The following AIG1 variants were observed in gnomAD, a reference collection of about 807,000 sequenced individuals.
AIG1 encodes androgen-induced gene 1 protein.
Under a neutral mutation model 31.4 loss-of-function variants are expected in AIG1, and 23 were observed. The observed-to-expected ratio is 0.73, with a 90% confidence interval of 0.53 to 1.04. The LOEUF (loss-of-function observed/expected upper bound fraction) is 1.04, where lower values mean the gene tolerates loss of function less well. AIG1 is among the 50% of genes least tolerant of loss of function. The pLI is 0.00. For synonymous variants in AIG1, 100 were observed against 110.5 expected (o/e 0.90, Z 0.60); for missense variants, 274 against 295.0 (o/e 0.93, Z 0.52).
At chr6:143,249,840 G>A (rs576050871) in intron 3 of AIG1, among the ~76,000 whole-genome samples, 24 of 152,146 alleles carry the variant, frequency 1.6e-4, no homozygotes, top group Non-Finnish European at 3.2e-4. Context: ...TCATAATTCC[G>A]TATTATGCAC....
intron 2 of AIG1, among the ~76,000 whole-genome samples, chr6:143,158,163 C>G (rs1785984493): frequency 6.6e-6 from 1 of 152,144 alleles, no homozygotes; most frequent in South Asian, 2.1e-4. Flanking sequence ...GAGCATGAGC[C>G]ATATATTCAG....
chr6:143,264,647 T>G (rs1037403251), intron 3 of AIG1, among the ~76,000 whole-genome samples: 3 of 152,202 alleles, frequency 2.0e-5, no homozygotes, highest in Non-Finnish European at 4.4e-5. Flanking sequence ...CAGTTGGAAA[T>G]TGGCACTGAG....
In AIG1 at chr6:143,293,200, C is replaced by T. The variant is rs560732202; in HGVS notation, c.515+8975C>T. ...GGAGAAAGGCTCATTTTCTTTTTTT[C>T]TCTCTCTCTCTTCCCCGCCACCCTT... On this transcript the variant is annotated intron_variant, in intron 4 of 5. Transcript: ENST00000357847. This position sits in a 1 kb window ranked among gnomAD's most constrained non-coding sequence, Gnocchi z 4.8. Among the ~76,000 whole-genome samples the T allele has an allele frequency of 4.0e-5, 6 of 151,828 alleles. No individual in the cohort carries two copies. The South Asian group carries it at 8.3e-4, about 21-fold the overall frequency.
intron 1 of AIG1, among the ~76,000 whole-genome samples, chr6:143,113,560 GCC>G (rs1264722999): frequency 8.9e-5 from 13 of 146,684 alleles, no homozygotes; most frequent in African/African-American, 2.8e-4. Context: ...CCGAGATCAC[GCC>G]ACTGCACTCC....
chr6:143,226,031 T>C, intron 3 of AIG1, among the ~76,000 whole-genome samples: 1 of 152,202 alleles, frequency 6.6e-6, no homozygotes, highest in Non-Finnish European at 1.5e-5. Flanking sequence ...AAGAGAAAGC[T>C]GCTCATTTGC....
At chr6:143,097,969 T>C (rs1453807941) in intron 1 of AIG1, among the ~76,000 whole-genome samples, 1 of 152,172 alleles carries the variant, frequency 6.6e-6, no homozygotes, top group Non-Finnish European at 1.5e-5. Flanking sequence ...TTACTCAGAG[T>C]ATCTCTCCTC....
chr6:143,147,859 T>C (rs1784837796), intron 2 of AIG1, among the ~76,000 whole-genome samples: 1 of 152,138 alleles, frequency 6.6e-6, no homozygotes, highest in African/African-American at 2.4e-5. Context: ...AATGGAATAA[T>C]GAGAGTTGAC....
intron 4 of AIG1, among the ~76,000 whole-genome samples, chr6:143,285,529 G>C (rs376849817): frequency 1.3e-5 from 2 of 151,532 alleles, no homozygotes; most frequent in African/African-American, 2.4e-5. Context: ...CAGGTGTGGT[G>C]GTGGGCGCCT....
intron 1 of AIG1, among the ~76,000 whole-genome samples, chr6:143,114,290 C>T (rs1489227100): frequency 6.6e-6 from 1 of 152,074 alleles, no homozygotes; most frequent in Non-Finnish European, 1.5e-5. Flanking sequence ...TTGTTTTTCT[C>T]CTAAAAAACC....
At chr6:143,224,093 T>G (rs1173695788) in intron 3 of AIG1, among the ~76,000 whole-genome samples, 1 of 152,168 alleles carries the variant, frequency 6.6e-6, no homozygotes, top group African/African-American at 2.4e-5. Flanking sequence ...TCGTGCTTGG[T>G]GATGTCATCC....
intron 4 of AIG1, among the ~76,000 whole-genome samples, chr6:143,332,613 A>C (rs577806003): frequency 3.4e-4 from 52 of 152,310 alleles, no homozygotes; most frequent in African/African-American, 1.2e-3. Context: ...GTTGGTGTCT[A>C]GTTGGAAGGC....
At chr6:143,203,793 T>A (rs1035519971) in intron 3 of AIG1, among the ~76,000 whole-genome samples, 1 of 152,202 alleles carries the variant, frequency 6.6e-6, no homozygotes. Context: ...AGGGACCTTA[T>A]GAAGAAGAAT....
chr6:143,123,929 C>T (rs562983696), intron 1 of AIG1, among the ~76,000 whole-genome samples: 1 of 152,306 alleles, frequency 6.6e-6, no homozygotes, highest in South Asian at 2.1e-4. Flanking sequence ...TCCTGATCTA[C>T]TTTCTTTGGA....
intron 3 of AIG1, among the ~76,000 whole-genome samples, chr6:143,244,863 G>A (rs915227058): frequency 9.2e-5 from 14 of 152,148 alleles, no homozygotes; most frequent in South Asian, 2.1e-4. Flanking sequence ...TACCACTAAA[G>A]CCTTTCTCAC....
intron 1 of AIG1, among the ~76,000 whole-genome samples, chr6:143,063,498 G>T (rs1335520980): frequency 1.3e-5 from 2 of 152,148 alleles, no homozygotes; most frequent in Non-Finnish European, 2.9e-5. Context: ...AATCCTTAGA[G>T]CTTAAGCATT....
intron 1 of AIG1, among the ~76,000 whole-genome samples, chr6:143,101,896 T>A (rs1207468723): frequency 6.6e-6 from 1 of 152,208 alleles, no homozygotes; most frequent in African/African-American, 2.4e-5. Flanking sequence ...TTACAATTTC[T>A]AATGCCCAAG....
At chr6:143,229,744 A>G (rs1793292994) in intron 3 of AIG1, among the ~76,000 whole-genome samples, 1 of 143,776 alleles carries the variant, frequency 7.0e-6, no homozygotes, top group Admixed American at 7.3e-5. Flanking sequence ...CTTTTGTAAT[A>G]ATTTCATTTT....
chr6:143,273,136 A>T (rs991337723), intron 3 of AIG1, among the ~76,000 whole-genome samples: 4 of 152,222 alleles, frequency 2.6e-5, no homozygotes, highest in East Asian at 3.8e-4. Context: ...CTCAAAAAAA[A>T]ATATTGTGGG....
chr6:143,114,352 G>A (rs1781565210), intron 1 of AIG1, among the ~76,000 whole-genome samples: 1 of 152,162 alleles, frequency 6.6e-6, no homozygotes. Flanking sequence ...AAAATGCTGC[G>A]AGAACCTTTC....
Sources: allele counts gnomAD v4.1 joint callset (sites outside exome capture counted in the v4.1 genomes callset), GRCh38; gene constraint gnomAD v4.1.1; non-coding constraint Gnocchi (gnomAD v3.1); transcripts MANE v1.5; gene names NCBI Gene and HGNC (gene_info 2026-07-23, HGNC 2026-07-21).